Variants in TMTC4 observed in about 807,000 individuals in gnomAD.
TMTC4 encodes transmembrane O-mannosyltransferase targeting cadherins 4.
In TMTC4, 65 loss-of-function variants were observed where a neutral mutation model predicts 86.0. That is an observed-to-expected ratio of 0.76 (90% CI 0.62 to 0.93). The LOEUF (loss-of-function observed/expected upper bound fraction) is 0.93. TMTC4 is among the 40% of genes least tolerant of loss of function. TMTC4 has a pLI of 0.00. For synonymous variants in TMTC4, 379 were observed against 382.5 expected (o/e 0.99, Z 0.11); for missense variants, 866 against 948.1 (o/e 0.91, Z 1.14).
intron 12 of TMTC4, among the ~76,000 whole-genome samples, chr13:100,631,226 A>G (rs1881313930): frequency 6.6e-6 from 1 of 152,254 alleles, no homozygotes; most frequent in African/African-American, 2.4e-5. Context: ...ATGTAAATGC[A>G]AGAAAGTGAG....
At chr13:100,620,828 AAAACAAACAAAC>A (rs140760914) in intron 15 of TMTC4, among the ~76,000 whole-genome samples, 3 of 152,224 alleles carry the variant, frequency 2.0e-5, no homozygotes, top group East Asian at 1.9e-4. Flanking sequence ...GTGATTTCTT[AAAACAAACAAAC>A]AAACAAACAA....
intron 6 of TMTC4, among the ~76,000 whole-genome samples, chr13:100,643,060 G>A (rs1025960755): frequency 6.6e-6 from 1 of 152,190 alleles, no homozygotes; most frequent in Non-Finnish European, 1.5e-5. Context: ...GGCCTTCTGC[G>A]AGCAGGGTCT....
intron 1 of TMTC4, among the ~76,000 whole-genome samples, chr13:100,673,081 G>C (rs9518129): frequency 0.27 from 41,062 of 152,044 alleles, 6,249 homozygotes; most frequent in Admixed American, 0.38. Context: ...CCCTCAACAG[G>C]GGCTGAATCT....
At chr13:100,617,058 G>C (rs1878613954) in intron 15 of TMTC4, among the ~76,000 whole-genome samples, 1 of 151,894 alleles carries the variant, frequency 6.6e-6, no homozygotes, top group East Asian at 1.9e-4. Flanking sequence ...AATTGCTTTT[G>C]AGGACTTCAT....
intron 15 of TMTC4, among the ~76,000 whole-genome samples, chr13:100,620,782 A>T (rs1189896877): frequency 1.3e-5 from 2 of 152,214 alleles, no homozygotes; most frequent in African/African-American, 4.8e-5. Flanking sequence ...TGGGGTCTAG[A>T]AATCAAAACA....
chr13:100,656,541 A>ATTTTTTTTTTT lies in TMTC4; in HGVS notation c.553-74_553-73insAAAAAAAAAAA. The ATTTTTTTTTTT allele has an allele frequency of 1.1e-5, 5 of 462,934 alleles. No homozygotes were observed. The South Asian group carries it at 1.4e-4, about 13-fold the overall frequency. 28.7% of individuals were successfully genotyped at this position (462,934 alleles called of 1,614,324 possible). The stretch of plus-strand genomic sequence containing the variant: ...GGAAATCCTAAACTTAGGAGACATA[A>ATTTTTTTTTTT]CTTTTTTTTTTTTTTTTTTGCGACA... On this transcript the variant is annotated intron_variant, in intron 5 of 18. Transcript: ENST00000342624.
At position 100,674,780 on chromosome 13, in the gene TMTC4, C is replaced by G. The variant is rs1464718632; in HGVS notation, c.-244G>C. The G allele has an allele frequency of 1.0e-6, 1 of 983,768 alleles. No homozygotes were observed. Among genetic ancestry groups the G allele is most frequent in the Non-Finnish European group, 1.2e-6 (1 of 829,332 alleles). The allele number at this position is 983,768 out of a possible 1,614,324, so 60.9% of individuals were successfully genotyped here. On this transcript the variant is annotated 5_prime_UTR_variant, in exon 1 of 19. Transcript: ENST00000342624. ...CTGAGCCCCGGCCGCATCTCCCTCCCGGGTGCGGAAACTCTGGCGGCTCCA... is the reference window on the plus strand; with the variant it reads ...CTGAGCCCCGGCCGCATCTCCCTCCGGGGTGCGGAAACTCTGGCGGCTCCA...
At chr13:100,671,305 G>C (rs933006882) in intron 1 of TMTC4, among the ~76,000 whole-genome samples, 1 of 152,106 alleles carries the variant, frequency 6.6e-6, no homozygotes, top group Non-Finnish European at 1.5e-5. Context: ...GATATTATCT[G>C]CTTCAGGCTC....
chr13:100,610,128 G>C (rs1047368013), intron 17 of TMTC4, among the ~76,000 whole-genome samples: 1 of 152,200 alleles, frequency 6.6e-6, no homozygotes, highest in African/African-American at 2.4e-5. Flanking sequence ...GATTTACCAA[G>C]TGCATGATAA....
chr13:100,634,162 ATTTTAT>A, intron 12 of TMTC4, among the ~76,000 whole-genome samples: 1 of 148,386 alleles, frequency 6.7e-6, no homozygotes, highest in African/African-American at 2.6e-5. Context: ...AAAAGGTATA[ATTTTAT>A]GGGACCATGG....
chr13:100,632,256 G>A (rs1881553828), intron 12 of TMTC4, among the ~76,000 whole-genome samples: 1 of 152,070 alleles, frequency 6.6e-6, no homozygotes, highest in Non-Finnish European at 1.5e-5. Flanking sequence ...ACCATACCAG[G>A]TCTCTCTGTA....
Position 100,637,519 on chromosome 13 carries a change from C to CG in TMTC4, c.999+18dup, listed in dbSNP as rs1566601610. On this transcript the variant is annotated intron_variant, in intron 9 of 18. Coordinates refer to ENST00000342624, the MANE Select transcript of TMTC4 (RefSeq NM_032813.5). ...TGGGGGAAGAAAAGAGTCCAGGGGG[C>CG]GGCAGGCTCAGAACTCACCCTCACC... is the stretch of plus-strand genomic sequence containing the variant. 5 of 1,596,482 alleles carry CG rather than the reference C, an allele frequency of 3.1e-6. No individual in the cohort carries two copies. The highest frequency in any genetic ancestry group is 4.3e-6 in the Non-Finnish European group (5 of 1,168,752).
At chr13:100,615,264 A>C (rs1294655834) in intron 15 of TMTC4, among the ~76,000 whole-genome samples, 2 of 148,872 alleles carry the variant, frequency 1.3e-5, no homozygotes, top group African/African-American at 5.0e-5. Context: ...CAGCCTTCTG[A>C]GTAGCTGGGA....
At chr13:100,632,049 A>ACTCTCT (rs1327207673) in intron 12 of TMTC4, among the ~76,000 whole-genome samples, 1 of 77,290 alleles carries the variant, frequency 1.3e-5, no homozygotes, top group Non-Finnish European at 3.0e-5. Flanking sequence ...ACACACACAC[A>ACTCTCT]CACACTCTCT....
rs181414251 is a variant in TMTC4, at chr13:100,615,696, G to A, written c.1837-1266C>T. 3.9e-5 allele frequency among the ~76,000 whole-genome samples: 6 copies of A among 151,966 alleles called. No individual in the cohort carries two copies. The East Asian group carries it at 7.8e-4, about 20-fold the overall frequency. On this transcript the variant is annotated intron_variant, in intron 15 of 18. Coordinates refer to ENST00000342624, the MANE Select transcript of TMTC4 (RefSeq NM_032813.5). ...TCAAATTCCTGGCCTCAACTGATCC[G>A]CCCACCTTGGCATCCCACAGTGCTG...
At chr13:100,655,806 G>C (rs1219302971) in intron 6 of TMTC4, among the ~76,000 whole-genome samples, 1 of 152,042 alleles carries the variant, frequency 6.6e-6, no homozygotes, top group Non-Finnish European at 1.5e-5. Flanking sequence ...AAAAGGGGGT[G>C]GGAGTGGTTG....
At position 100,635,114 on chromosome 13, in the gene TMTC4, G is replaced by A. The variant is rs764736535; in HGVS notation, c.1284C>T (p.Val428=). The A allele has an allele frequency of 1.4e-4, 229 of 1,613,972 alleles. No individual in the cohort carries two copies. Among genetic ancestry groups the A allele is most frequent in the Non-Finnish European group, 1.7e-4 (201 of 1,180,026 alleles). ...TGGGGAGGTAGAGGACACGCTCTGC[G>A]ACCACGAAGCCCACTCGGAAGAACA... is the stretch of plus-strand genomic sequence containing the variant. ...SNLFFRVGFV[V]AERVLYLPSV... is the part of the protein sequence containing the mutation. Residue 428 remains valine, a synonymous_variant, in exon 11 of 19, where the codon GTC becomes GTT. Coordinates refer to ENST00000342624, the MANE Select transcript of TMTC4 (RefSeq NM_032813.5).
At position 100,604,965 on chromosome 13, in the gene TMTC4, C is replaced by A; in HGVS notation, c.*29G>T. Reference sequence around the variant, plus strand: ...ATGATATGCCTCATGCACACACACACTCAAACTCAAAACATGAAGGAAACA... The same window carrying A: ...ATGATATGCCTCATGCACACACACAATCAAACTCAAAACATGAAGGAAACA... On this transcript the variant is annotated 3_prime_UTR_variant, in exon 19 of 19. Coordinates refer to ENST00000342624, the MANE Select transcript of TMTC4 (RefSeq NM_032813.5). 6.2e-7 allele frequency: 1 copy of A among 1,608,766 alleles called. No homozygotes were observed. The highest frequency in any genetic ancestry group is 8.5e-7 in the Non-Finnish European group (1 of 1,177,754).
intron 15 of TMTC4, among the ~76,000 whole-genome samples, chr13:100,620,245 C>T (rs1271237262): frequency 6.6e-6 from 1 of 152,190 alleles, no homozygotes; most frequent in Non-Finnish European, 1.5e-5. Context: ...TCTGTTCTGT[C>T]AACAGGCACT....
Sources: allele counts gnomAD v4.1 joint callset (sites outside exome capture counted in the v4.1 genomes callset), GRCh38; gene constraint gnomAD v4.1.1; transcripts MANE v1.5; gene names NCBI Gene and HGNC (gene_info 2026-07-23, HGNC 2026-07-21).